The following SLA variants were observed in gnomAD, a reference collection of about 807,000 sequenced individuals.
SLA encodes src-like-adapter.
SLA carries 16 observed loss-of-function variants against 30.3 expected under a neutral mutation model. That is an observed-to-expected ratio of 0.53 (90% CI 0.36 to 0.80). The LOEUF (loss-of-function observed/expected upper bound fraction) is 0.80, where lower values mean the gene tolerates loss of function less well. SLA is among the 30% of genes least tolerant of loss of function. The pLI is 0.01. For missense variants in SLA, 310 were observed against 345.2 expected (o/e 0.90, Z 0.81); for synonymous variants, 143 against 137.8 (o/e 1.04, Z -0.26).
At chr8:133,045,395 T>C (rs1440347534) in intron 6 of SLA, among the ~76,000 whole-genome samples, 9 of 137,090 alleles carry the variant, frequency 6.6e-5, no homozygotes, top group Non-Finnish European at 1.3e-4. Context: ...TGCTTTTTTT[T>C]TTTTTTTTTT....
intron 2 of SLA, among the ~76,000 whole-genome samples, chr8:133,067,814 AAGG>A (rs1309571094): frequency 8.4e-6 from 1 of 119,312 alleles, no homozygotes; most frequent in Non-Finnish European, 2.1e-5. Context: ...GAAAGAAAGG[AAGG>A]AAGGAAGGGG....
chr8:133,089,681 C>T (rs1208945281), intron 1 of SLA, among the ~76,000 whole-genome samples: 1 of 152,190 alleles, frequency 6.6e-6, no homozygotes, highest in East Asian at 1.9e-4. Flanking sequence ...CTCCCTCACT[C>T]ATACAGTCAT....
intron 1 of SLA, among the ~76,000 whole-genome samples, chr8:133,083,776 A>G (rs772570640): frequency 6.6e-6 from 1 of 152,154 alleles, no homozygotes; most frequent in Non-Finnish European, 1.5e-5. Flanking sequence ...GGGTTCCAGA[A>G]TCTAAGCAGG....
intron 3 of SLA, among the ~76,000 whole-genome samples, chr8:133,056,124 A>T (rs2702968): frequency 0.53 from 79,872 of 151,996 alleles, 21,273 homozygotes; most frequent in Admixed American, 0.63. Flanking sequence ...GTCTCCTTTG[A>T]CATAGTTGAC....
Position 133,040,466 on chromosome 8 carries a change from T to C in SLA, c.485-336A>G, listed in dbSNP as rs1029136158. 3 of 279,566 alleles carry C rather than the reference T, an allele frequency of 1.1e-5. No homozygotes were observed. The East Asian group carries it at 2.3e-4, about 22-fold the overall frequency. The allele number at this position is 279,566 out of a possible 1,614,324, so 17.3% of individuals were successfully genotyped here. A position where few individuals can be genotyped will look rare whatever the true frequency, so the allele number is the denominator to read the frequency against. On this transcript the variant is annotated intron_variant, in intron 7 of 8. Transcript: ENST00000338087. Reference sequence around the variant, plus strand: ...GTCTCTGAGCTTTCCTTTCTTCAACTGCAGAATGAAAGAAATGAAGCAACA... The same window carrying C: ...GTCTCTGAGCTTTCCTTTCTTCAACCGCAGAATGAAAGAAATGAAGCAACA...
chr8:133,092,450 C>T (rs1376061720), intron 1 of SLA, among the ~76,000 whole-genome samples: 1 of 152,232 alleles, frequency 6.6e-6, no homozygotes, highest in African/African-American at 2.4e-5. Flanking sequence ...TGTGGACCTA[C>T]AGGCATGGCT....
intron 2 of SLA, among the ~76,000 whole-genome samples, chr8:133,071,270 C>T (rs1483438836): frequency 1.3e-5 from 2 of 152,164 alleles, no homozygotes; most frequent in African/African-American, 2.4e-5. Context: ...TTTGTCTAAC[C>T]GGGGAAACCA....
intron 1 of SLA, among the ~76,000 whole-genome samples, chr8:133,081,333 A>C (rs1845708802): frequency 6.6e-6 from 1 of 152,268 alleles, no homozygotes; most frequent in South Asian, 2.1e-4. Context: ...TTTTGAATTA[A>C]AGTAAATAAA....
At chr8:133,061,089 G>A (rs1842307666) in intron 2 of SLA, among the ~76,000 whole-genome samples, 1 of 152,158 alleles carries the variant, frequency 6.6e-6, no homozygotes, top group South Asian at 2.1e-4. Context: ...TCGGCTCACT[G>A]CAACCCTGCC....
intron 3 of SLA, among the ~76,000 whole-genome samples, chr8:133,059,385 G>A (rs1484342018): frequency 1.3e-5 from 2 of 152,194 alleles, no homozygotes; most frequent in Non-Finnish European, 2.9e-5. Flanking sequence ...TCCACAGCAT[G>A]GTGGATTTGA....
At position 133,096,386 on chromosome 8, in the gene SLA, G is replaced by T. The variant is rs536330266; in HGVS notation, c.-319+6167C>A. ...AAAGGCTGTGAAGGTAAGCAGGGAG[G>T]GGGCCTCGGATGTCTCCAGCTGGGC... On this transcript the variant is annotated intron_variant, in intron 1 of 8. Transcript: ENST00000338087. 6.8e-6 allele frequency: 11 copies of T among 1,614,106 alleles called. No individual in the cohort carries two copies. In the South Asian group the frequency reaches 1.1e-4, roughly 16 times the overall value.
Position 133,050,806 on chromosome 8 carries a change from G to C in SLA, c.161+10C>G. The C allele has an allele frequency of 6.4e-7, 1 of 1,560,028 alleles. No individual in the cohort carries two copies. The highest frequency in any genetic ancestry group is 1.1e-5 in the South Asian group (1 of 90,096). ...TTGAAGATTGCACAAGTTTTGGAGA[G>C]CTGACTCACTCAGAAATCACACGCA... On this transcript the variant is annotated intron_variant, in intron 4 of 8. Coordinates refer to ENST00000338087, the MANE Select transcript of SLA (RefSeq NM_001045556.3).
intron 1 of SLA, among the ~76,000 whole-genome samples, chr8:133,079,524 A>G (rs1308934390): frequency 6.6e-6 from 1 of 152,028 alleles, no homozygotes; most frequent in East Asian, 1.9e-4. Flanking sequence ...CCACTTCTCC[A>G]GCTTCAGGTC....
rs546932386 is a variant in SLA at position 133,055,995 on chromosome 8, T to C, written c.61+4105A>G. Among the ~76,000 whole-genome samples the C allele has an allele frequency of 2.0e-5, 3 of 152,008 alleles. No homozygotes were observed. In the East Asian group the frequency reaches 5.8e-4, roughly 30 times the overall value. On this transcript the variant is annotated intron_variant, in intron 3 of 8. Coordinates refer to ENST00000338087, the MANE Select transcript of SLA (RefSeq NM_001045556.3). ...CTACCTTATTTTGAGTATGAGGAAA[T>C]AGAGGCACAGTGAGGTCCAGAGACC...
rs1847182893 is a variant in SLA, at chr8:133,089,643, A to G, written c.-319+12910T>C. ...CTCTTCATTTAGAAGTCACTGGTCC[A>G]TCTGCCTGCCATTCATTCATTTGTT... On this transcript the variant is annotated intron_variant, in intron 1 of 8. Transcript: ENST00000338087. Among the ~76,000 whole-genome samples, 5 of 152,328 alleles carry G rather than the reference A, an allele frequency of 3.3e-5. No homozygotes were observed. The South Asian group carries it at 1.0e-3, about 32-fold the overall frequency.
chr8:133,050,060 A>C (rs1840117206), intron 4 of SLA, 72 bp from the exon 5 acceptor site: 4 of 979,444 alleles, frequency 4.1e-6, no homozygotes, highest in Non-Finnish European at 6.6e-6. Flanking sequence ...TGAACAGAGT[A>C]ATCAGATTTA....
At chr8:133,070,293 C>T (rs148645854) in intron 2 of SLA, among the ~76,000 whole-genome samples, 3 of 152,222 alleles carry the variant, frequency 2.0e-5, no homozygotes, top group East Asian at 3.9e-4. Flanking sequence ...ATCCAGACAC[C>T]ACTGGAGCGA....
intron 2 of SLA, among the ~76,000 whole-genome samples, chr8:133,069,847 C>T (rs1843686479): frequency 6.6e-6 from 1 of 151,424 alleles, no homozygotes. Context: ...ACTAAAAATA[C>T]AAAAATCAGC....
intron 7 of SLA, among the ~76,000 whole-genome samples, chr8:133,042,698 TTTTTTTTTTTTG>T: frequency 2.3e-5 from 3 of 130,858 alleles, no homozygotes; most frequent in South Asian, 2.6e-4. Flanking sequence ...TTTTTTTTTT[TTTTTTTTTTTTG>T]TGAGATGGAG....
Sources: gnomAD v4.1 joint callset for allele counts (sites outside exome capture counted in the v4.1 genomes callset) on GRCh38, gnomAD v4.1.1 for gene constraint, MANE v1.5 for transcripts, NCBI Gene and HGNC (gene_info 2026-07-23, HGNC 2026-07-21) for gene names.